The following LRRC4C variants were observed in gnomAD, a reference collection of about 807,000 sequenced individuals.
LRRC4C encodes the protein leucine-rich repeat-containing protein 4C.
In LRRC4C, 5 loss-of-function variants were observed where a neutral mutation model predicts 33.6. The observed-to-expected ratio is 0.15, with a 90% CI of 0.08 to 0.31. The LOEUF is 0.31. Ranked by LOEUF, LRRC4C falls within the 10% of genes least tolerant of loss-of-function variation. The pLI is 1.00. For missense variants in LRRC4C, 560 were observed against 796.7 expected, an observed-to-expected ratio of 0.70 and a Z score of 3.58; for synonymous variants, 329 against 302.0, an observed-to-expected ratio of 1.09 and a Z score of -0.93.
intron 4 of LRRC4C, among the ~76,000 whole-genome samples, chr11:40,258,785 T>G (rs986402458): frequency 3.3e-5 from 5 of 152,192 alleles, no homozygotes; most frequent in African/African-American, 1.2e-4. Flanking sequence ...ATGTCCCACC[T>G]AAGTGGGTGA....
intron 1 of LRRC4C, among the ~76,000 whole-genome samples, chr11:40,941,411 T>C (rs1958138964): frequency 6.6e-6 from 1 of 152,130 alleles, no homozygotes; most frequent in Non-Finnish European, 1.5e-5. Context: ...TGACAGATTA[T>C]TTTGAAGTGC....
chr11:41,179,757 C>G (rs551952915), intron 1 of LRRC4C, among the ~76,000 whole-genome samples: 7 of 152,276 alleles, frequency 4.6e-5, no homozygotes, highest in African/African-American at 1.2e-4. Context: ...TAAGTAAGCT[C>G]TAGTCACAAT....
intron 1 of LRRC4C, among the ~76,000 whole-genome samples, chr11:41,396,676 A>T (rs1044862074): frequency 1.1e-4 from 16 of 152,016 alleles, no homozygotes; most frequent in Non-Finnish European, 2.1e-4. Flanking sequence ...GTGTCATGGA[A>T]GTTTGTTGTG....
chr11:41,049,172 T>C (rs975507776), intron 1 of LRRC4C, among the ~76,000 whole-genome samples: 38 of 152,208 alleles, frequency 2.5e-4, no homozygotes, highest in African/African-American at 9.2e-4. Flanking sequence ...TGAGAGATAA[T>C]TGAAAGGGAG....
rs1956458440 is a variant in LRRC4C, at chr11:40,907,142, T to A, written c.-407+26493A>T. Among the ~76,000 whole-genome samples, 3 of 152,228 alleles carry A rather than the reference T, an allele frequency of 2.0e-5. No homozygotes were observed. In the South Asian group the frequency reaches 6.2e-4, roughly 32 times the overall value. On this transcript the variant is annotated intron_variant, in intron 2 of 6. Transcript: ENST00000528697. Reference sequence around the variant, plus strand: ...TTATTCTTTCAGATTAAAACAGTCTTCTATCAGATAGTTCAACATCTTTGG... The same window carrying A: ...TTATTCTTTCAGATTAAAACAGTCTACTATCAGATAGTTCAACATCTTTGG...
chr11:40,367,040 A>G (rs1011111874), intron 3 of LRRC4C, among the ~76,000 whole-genome samples: 15 of 152,086 alleles, frequency 9.9e-5, no homozygotes, highest in African/African-American at 3.4e-4. Flanking sequence ...TGCTTTGGGA[A>G]TGAAGGCACA....
intron 3 of LRRC4C, among the ~76,000 whole-genome samples, chr11:40,375,928 T>G (rs1948642642): frequency 6.6e-6 from 1 of 152,162 alleles, no homozygotes; most frequent in Non-Finnish European, 1.5e-5. Context: ...ACTTTAAAAT[T>G]TGGGATAATA....
At chr11:40,196,421 A>C (rs561896987) in intron 5 of LRRC4C, among the ~76,000 whole-genome samples, 1 of 152,262 alleles carries the variant, frequency 6.6e-6, no homozygotes, top group Non-Finnish European at 1.5e-5. Context: ...CAAAAGCAAA[A>C]CCTATTGCAA....
In LRRC4C at chr11:40,559,596, G is replaced by A. The variant is rs1291942973; in HGVS notation, c.-270+88546C>T. On this transcript the variant is annotated intron_variant, in intron 3 of 6. Coordinates refer to ENST00000528697, the MANE Select transcript of LRRC4C (RefSeq NM_001258419.2). ...TTAGCTCTTTGAGGAATCACCAAAC[G>A]GCTTTCCACAATAGCTGAACTAATT... Among the ~76,000 whole-genome samples, 13 of 152,076 alleles carry A rather than the reference G, an allele frequency of 8.5e-5. No homozygotes were observed. The East Asian group carries it at 1.2e-3, about 14-fold the overall frequency.
intron 2 of LRRC4C, among the ~76,000 whole-genome samples, chr11:40,803,087 T>C (rs1046686092): frequency 2.6e-5 from 4 of 152,204 alleles, no homozygotes; most frequent in Admixed American, 2.0e-4. Flanking sequence ...TTTCAACCTA[T>C]GATTTGATAA....
intron 4 of LRRC4C, among the ~76,000 whole-genome samples, chr11:40,276,721 G>GTGTC (rs1302148984): frequency 2.3e-5 from 3 of 130,794 alleles, no homozygotes; most frequent in Admixed American, 2.2e-4. Flanking sequence ...GTGTGTGTGT[G>GTGTC]TATGTCTGTG....
intron 2 of LRRC4C, among the ~76,000 whole-genome samples, chr11:40,861,546 T>G (rs1189200243): frequency 6.6e-6 from 1 of 151,732 alleles, no homozygotes; most frequent in Non-Finnish European, 1.5e-5. Flanking sequence ...CCCGAAGGAG[T>G]AAGATCAGGA....
intron 1 of LRRC4C, among the ~76,000 whole-genome samples, chr11:40,984,202 A>C (rs547420768): frequency 1.3e-4 from 19 of 150,782 alleles, no homozygotes; most frequent in African/African-American, 4.6e-4. Flanking sequence ...GAAGGTAGGA[A>C]GGAAGGAAAG....
intron 1 of LRRC4C, among the ~76,000 whole-genome samples, chr11:41,352,942 C>A (rs1486923054): frequency 1.3e-5 from 2 of 152,066 alleles, no homozygotes; most frequent in East Asian, 3.9e-4. Context: ...AATTAACAAC[C>A]TAACATTACA....
chr11:40,359,940 C>T (rs986306793), intron 3 of LRRC4C, among the ~76,000 whole-genome samples: 1 of 152,100 alleles, frequency 6.6e-6, no homozygotes, highest in Non-Finnish European at 1.5e-5. Flanking sequence ...CTCATCCCTA[C>T]CTAATAGGGC....
At chr11:40,444,670 C>T (rs1348728251) in intron 3 of LRRC4C, among the ~76,000 whole-genome samples, 2 of 152,162 alleles carry the variant, frequency 1.3e-5, no homozygotes, top group Non-Finnish European at 2.9e-5. Context: ...CCTGATCTGG[C>T]ATTTCCAATG....
intron 1 of LRRC4C, among the ~76,000 whole-genome samples, chr11:41,361,009 T>C (rs1041274407): frequency 5.3e-5 from 8 of 152,164 alleles, no homozygotes; most frequent in Non-Finnish European, 1.5e-5. Flanking sequence ...CTACACAATA[T>C]AAATGATTTG....
At chr11:40,356,276 C>T (rs1257793721) in intron 3 of LRRC4C, among the ~76,000 whole-genome samples, 2 of 152,010 alleles carry the variant, frequency 1.3e-5, no homozygotes, top group East Asian at 1.9e-4. Flanking sequence ...GGCTCTTATG[C>T]GTCAGAATGA....
chr11:41,187,243 C>A (rs1945733799), intron 1 of LRRC4C, among the ~76,000 whole-genome samples: 1 of 152,136 alleles, frequency 6.6e-6, no homozygotes, highest in Non-Finnish European at 1.5e-5. Flanking sequence ...CCAAGACCAC[C>A]TTGGCCCACC....
Sources: gnomAD v4.1 joint callset for allele counts (sites outside exome capture counted in the v4.1 genomes callset) on GRCh38, gnomAD v4.1.1 for gene constraint, MANE v1.5 for transcripts, NCBI Gene and HGNC (gene_info 2026-07-23, HGNC 2026-07-21) for gene names.